The following KAZN variants were observed in gnomAD, a reference collection of about 807,000 sequenced individuals.
KAZN encodes the protein kazrin.
KAZN carries 40 observed loss-of-function variants against 87.4 expected under a neutral mutation model. That is an observed-to-expected ratio of 0.46 (90% CI 0.36 to 0.60). KAZN has a LOEUF of 0.60. Among genes scored for constraint, KAZN ranks in the 20% least tolerant of loss-of-function variants. KAZN has a pLI of 0.00. For synonymous variants in KAZN, 466 were observed against 458.3 expected, an observed-to-expected ratio of 1.02 and a Z score of -0.22; for missense variants, 898 against 1,073.9, an observed-to-expected ratio of 0.84 and a Z score of 2.29.
rs113764409 is a variant in KAZN, at chr1:14,143,850, T to C, written c.92-36585T>C. On this transcript the variant is annotated intron_variant, in intron 1 of 16. Transcript: ENST00000636203. ...CTCCCACCTCAGCCTCTCAAATAGC[T>C]GGGAGCACAAGCCTGTGCCACCATG... 2.6e-3 allele frequency among the ~76,000 whole-genome samples: 399 copies of C among 152,184 alleles called. 5 individuals carry two copies. The highest frequency in any genetic ancestry group is 9.2e-3 in the African/African-American group (383 of 41,506).
chr1:14,997,201 TTTCATTTATTTATTTATTTA>T (rs748381776), intron 2 of KAZN, among the ~76,000 whole-genome samples: 25,041 of 137,330 alleles, frequency 0.18, 2,332 homozygotes, highest in African/African-American at 0.27. Context: ...TCTTTCTTTC[TTTCATTTATTTATTTATTTA>T]TTTATTTATT....
intron 2 of KAZN, among the ~76,000 whole-genome samples, chr1:14,982,640 T>C (rs1028550089): frequency 6.6e-6 from 1 of 152,124 alleles, no homozygotes; most frequent in African/African-American, 2.4e-5. Context: ...TTGGCTGTTC[T>C]GGTCTCGAAC....
At chr1:14,936,043 C>G (rs1660419066) in intron 1 of KAZN, among the ~76,000 whole-genome samples, 1 of 152,248 alleles carries the variant, frequency 6.6e-6, no homozygotes, top group Non-Finnish European at 1.5e-5. Context: ...ATCCGCCCAT[C>G]CCACAGCTGT....
At chr1:14,678,163 A>G (rs1242468908) in intron 1 of KAZN, among the ~76,000 whole-genome samples, 1 of 152,092 alleles carries the variant, frequency 6.6e-6, no homozygotes, top group Non-Finnish European at 1.5e-5. Context: ...GTGGACTGGG[A>G]GAGGAAGACC....
chr1:14,918,833 G>C (rs900277877), intron 1 of KAZN, among the ~76,000 whole-genome samples: 15 of 150,264 alleles, frequency 1.0e-4, no homozygotes, highest in Non-Finnish European at 2.2e-4. Flanking sequence ...GCCTCAAGTT[G>C]GCAGCAGCTC....
intron 3 of KAZN, among the ~76,000 whole-genome samples, chr1:15,035,860 C>A (rs16851168): frequency 0.022 from 3,383 of 152,200 alleles, 132 homozygotes; most frequent in African/African-American, 0.077. Context: ...TGCGTAGGCA[C>A]CTTGGTCACA....
chr1:15,017,842 A>AT (rs1670282449), intron 2 of KAZN, among the ~76,000 whole-genome samples: 1 of 152,030 alleles, frequency 6.6e-6, no homozygotes. Context: ...GGATACCCCG[A>AT]TGTCACCCCT....
intron 1 of KAZN, among the ~76,000 whole-genome samples, chr1:14,010,471 G>C (rs1161241033): frequency 6.6e-6 from 1 of 152,128 alleles, no homozygotes; most frequent in Non-Finnish European, 1.5e-5. Flanking sequence ...TCCGGTATGG[G>C]AGGTGGGAGG....
intron 1 of KAZN, among the ~76,000 whole-genome samples, chr1:14,621,799 GC>G (rs1678716599): frequency 6.6e-6 from 1 of 152,156 alleles, no homozygotes; most frequent in Admixed American, 6.5e-5. Context: ...CTTGCCTTCT[GC>G]CATGACTGTG....
At chr1:14,677,316 C>G (rs1450808183) in intron 1 of KAZN, among the ~76,000 whole-genome samples, 2 of 152,118 alleles carry the variant, frequency 1.3e-5, no homozygotes, top group Admixed American at 6.5e-5. Context: ...TTTTGGAGAC[C>G]TAGCCATTGT....
intron 2 of KAZN, among the ~76,000 whole-genome samples, chr1:14,347,695 C>G (rs925273445): frequency 6.6e-6 from 1 of 151,868 alleles, no homozygotes; most frequent in East Asian, 1.9e-4. Context: ...ATTATATATA[C>G]ATTATATGTT....
intron 2 of KAZN, among the ~76,000 whole-genome samples, chr1:14,419,281 T>A (rs1665140237): frequency 6.6e-6 from 1 of 152,114 alleles, no homozygotes; most frequent in African/African-American, 2.4e-5. Context: ...TTTCCCAAAG[T>A]CATAAAGCGC....
chr1:15,065,027 C>CTTTTTTTTTTTTTTT (rs780410306), intron 7 of KAZN, among the ~76,000 whole-genome samples: 1 of 102,740 alleles, frequency 9.7e-6, no homozygotes, highest in Non-Finnish European at 1.8e-5. Context: ...CTTTTTCTTT[C>CTTTTTTTTTTTTTTT]TTTTTTTTTT....
chr1:14,408,623 C>A (rs1664059221), intron 2 of KAZN, among the ~76,000 whole-genome samples: 1 of 152,192 alleles, frequency 6.6e-6, no homozygotes, highest in Non-Finnish European at 1.5e-5. Context: ...CTCTGGCTAA[C>A]CTTCTTATAA....
intron 1 of KAZN, among the ~76,000 whole-genome samples, chr1:14,744,561 A>G (rs1302416275): frequency 6.6e-6 from 1 of 151,752 alleles, no homozygotes. Context: ...AGATCCTGGT[A>G]CTCTACACAA....
At chr1:14,943,858 G>A (rs980887553) in intron 1 of KAZN, among the ~76,000 whole-genome samples, 1 of 152,210 alleles carries the variant, frequency 6.6e-6, no homozygotes, top group African/African-American at 2.4e-5. Flanking sequence ...GATCACCTGA[G>A]GTCAGGAGTT....
intron 1 of KAZN, among the ~76,000 whole-genome samples, chr1:14,119,034 A>AACAT (rs1357667596): frequency 6.6e-6 from 1 of 151,798 alleles, no homozygotes; most frequent in Non-Finnish European, 1.5e-5. Flanking sequence ...AAAACAAACA[A>AACAT]AAAAAACAAA....
chr1:15,071,055 T>C (rs1639483169), intron 8 of KAZN, among the ~76,000 whole-genome samples: 2 of 152,168 alleles, frequency 1.3e-5, no homozygotes, highest in East Asian at 3.9e-4. Context: ...ATCAGCTTAT[T>C]CTTTATAAAA....
chr1:14,512,379 T>C (rs1405696355), intron 2 of KAZN, among the ~76,000 whole-genome samples: 3 of 152,092 alleles, frequency 2.0e-5, no homozygotes, highest in Non-Finnish European at 4.4e-5. Flanking sequence ...ACCCCTGGCC[T>C]CTACCCACGG....
Sources: gnomAD v4.1 joint callset for allele counts (sites outside exome capture counted in the v4.1 genomes callset) on GRCh38, gnomAD v4.1.1 for gene constraint, MANE v1.5 for transcripts, NCBI Gene and HGNC (gene_info 2026-07-23, HGNC 2026-07-21) for gene names.